The following NKD1 variants were observed in gnomAD, a reference collection of about 807,000 sequenced individuals.
NKD1 encodes the protein protein naked cuticle homolog 1.
NKD1 carries 21 observed loss-of-function variants against 56.0 expected under a neutral mutation model. The observed-to-expected ratio is 0.38, with a 90% CI of 0.27 to 0.54. NKD1 has a LOEUF of 0.54. Ranked by LOEUF, NKD1 falls within the 20% of genes least tolerant of loss-of-function variation. The probability of loss-of-function intolerance (pLI) is 0.82; values close to 1 mark genes in which losing one functional copy is unlikely to be tolerated. For synonymous variants in NKD1, 263 were observed against 265.7 expected (o/e 0.99, Z 0.10); for missense variants, 578 against 642.7 (o/e 0.90, Z 1.09).
At chr16:50,563,626 T>C (rs1410743707) in intron 3 of NKD1, among the ~76,000 whole-genome samples, 1 of 138,714 alleles carries the variant, frequency 7.2e-6, no homozygotes, top group Non-Finnish European at 1.5e-5. Context: ...GAAGACCCTG[T>C]GTGTCAGGCT....
intron 5 of NKD1, 70 bp from the exon 6 acceptor site, chr16:50,625,415 C>T (rs1962186871): frequency 8.9e-7 from 1 of 1,118,526 alleles, no homozygotes; most frequent in Non-Finnish European, 1.4e-6. Context: ...GCCTCTAGGC[C>T]CAGGCTTCCA....
chr16:50,585,817 G>A (rs192549493), intron 3 of NKD1, among the ~76,000 whole-genome samples: 1 of 152,322 alleles, frequency 6.6e-6, no homozygotes, highest in East Asian at 1.9e-4. Flanking sequence ...CATTGAACAA[G>A]TGACCCCTGG....
At chr16:50,573,993 T>C in intron 3 of NKD1, 1 of 962,306 alleles carries the variant, frequency 1.0e-6, no homozygotes, top group Non-Finnish European at 1.2e-6. Flanking sequence ...ATAATGCATG[T>C]GTGTCTATAT....
intron 3 of NKD1, among the ~76,000 whole-genome samples, chr16:50,551,668 T>G (rs963736446): frequency 6.6e-6 from 1 of 151,700 alleles, no homozygotes; most frequent in African/African-American, 2.4e-5. Flanking sequence ...CCAGGCATCC[T>G]CCAGGTGATT....
At chr16:50,595,835 C>T (rs1961460486) in intron 3 of NKD1, among the ~76,000 whole-genome samples, 2 of 152,198 alleles carry the variant, frequency 1.3e-5, no homozygotes, top group Admixed American at 1.3e-4. Context: ...CCTGTGGTGA[C>T]ACGGGCCCCT....
intron 3 of NKD1, among the ~76,000 whole-genome samples, chr16:50,554,681 C>T (rs1596701776): frequency 6.6e-6 from 1 of 152,136 alleles, no homozygotes; most frequent in African/African-American, 2.4e-5. Context: ...GCCACCCAGG[C>T]TGGGGTGCAG....
At chr16:50,593,967 T>C (rs1961422903) in intron 3 of NKD1, among the ~76,000 whole-genome samples, 1 of 152,236 alleles carries the variant, frequency 6.6e-6, no homozygotes, top group Non-Finnish European at 1.5e-5. Context: ...AGATGCCCAC[T>C]GCAGGAGCCA....
intron 7 of NKD1, 108 bp downstream of exon 7, chr16:50,630,441 T>C: frequency 1.6e-6 from 2 of 1,273,958 alleles, no homozygotes; most frequent in Non-Finnish European, 2.2e-6. Context: ...CTGGGGCAGC[T>C]GCTTTGTGGA....
intron 3 of NKD1, among the ~76,000 whole-genome samples, chr16:50,563,552 T>C (rs1201767255): frequency 6.6e-6 from 1 of 150,974 alleles, no homozygotes; most frequent in African/African-American, 2.4e-5. Context: ...CCTGGACCCA[T>C]GGAGAAGACC....
intron 3 of NKD1, among the ~76,000 whole-genome samples, chr16:50,590,660 T>C (rs1961345705): frequency 6.6e-6 from 1 of 152,210 alleles, no homozygotes; most frequent in Non-Finnish European, 1.5e-5. Flanking sequence ...CAAAGAAGTT[T>C]ATTAGTTTGC....
At chr16:50,630,581 CA>C (rs1482187301) in intron 7 of NKD1, among the ~76,000 whole-genome samples, 2 of 151,206 alleles carry the variant, frequency 1.3e-5, no homozygotes, top group African/African-American at 2.4e-5. Context: ...TTACGGGCAG[CA>C]TGGCGTCTGC....
At chr16:50,602,050 GTA>G (rs965260213) in intron 3 of NKD1, among the ~76,000 whole-genome samples, 3 of 152,210 alleles carry the variant, frequency 2.0e-5, no homozygotes, top group African/African-American at 7.2e-5. Flanking sequence ...CCTGCATGTT[GTA>G]TAGTGTTGGG....
intron 3 of NKD1, among the ~76,000 whole-genome samples, chr16:50,562,993 C>A (rs7498482): frequency 1.4e-4 from 18 of 129,506 alleles, no homozygotes; most frequent in East Asian, 6.5e-4. Flanking sequence ...ACCACCCCCC[C>A]CCCCCGCCGT....
At chr16:50,574,570 CTTG>C in intron 3 of NKD1, 1 of 985,396 alleles carries the variant, frequency 1.0e-6, no homozygotes, top group Non-Finnish European at 1.2e-6. Flanking sequence ...TTGGATTGAT[CTTG>C]TTGGAGTTCA....
In NKD1 at chr16:50,647,854, A is replaced by T. The variant is rs534953787; in HGVS notation, c.*14073A>T. On this transcript the variant is annotated 3_prime_UTR_variant, in exon 10 of 10. Coordinates refer to ENST00000268459, the MANE Select transcript of NKD1 (RefSeq NM_033119.5). ...ACCCATCCCAGGTGATCATAGAAGG[A>T]CCTCAAAGGAAAAGGTGAGGGGTTT... 77 of 152,316 alleles carry T rather than the reference A, an allele frequency of 5.1e-4. No homozygotes were observed. Among genetic ancestry groups the T allele is most frequent in the African/African-American group, 1.8e-3 (75 of 41,570 alleles). The allele number at this position is 152,316 out of a possible 1,614,324, so 9.4% of individuals were successfully genotyped here. A position where few individuals can be genotyped will look rare whatever the true frequency, so the allele number is the denominator to read the frequency against.
rs1397548003 is a variant in NKD1 at position 50,639,836 on chromosome 16, T to C, written c.*6055T>C. The C allele has an allele frequency of 1.3e-5, 2 of 152,274 alleles. No homozygotes were observed. The highest frequency in any genetic ancestry group is 2.9e-5 in the Non-Finnish European group (2 of 68,074). The allele number at this position is 152,274 out of a possible 1,614,324, so 9.4% of individuals were successfully genotyped here. On this transcript the variant is annotated 3_prime_UTR_variant, in exon 10 of 10. Coordinates refer to ENST00000268459, the MANE Select transcript of NKD1 (RefSeq NM_033119.5). The stretch of plus-strand genomic sequence containing the variant: ...CACACACTCTCTTCCCTCCTCTGGC[T>C]CAGGACTACGGTCTGAAATTAGGGA...
At chr16:50,622,148 G>T (rs1226278689) in intron 5 of NKD1, among the ~76,000 whole-genome samples, 1 of 152,234 alleles carries the variant, frequency 6.6e-6, no homozygotes, top group East Asian at 1.9e-4. Flanking sequence ...CGCTCTCTGG[G>T]CCTGAGTTTC....
intron 3 of NKD1, among the ~76,000 whole-genome samples, chr16:50,569,263 G>A (rs533567433): frequency 2.6e-5 from 4 of 152,322 alleles, no homozygotes; most frequent in Admixed American, 1.3e-4. Context: ...ATGCTACAGC[G>A]TTTTAGCGCC....
rs144993647 is a variant in NKD1, at chr16:50,619,445, C to G, written c.260-2157C>G. Among the ~76,000 whole-genome samples, 450 of 152,280 alleles carry G rather than the reference C, an allele frequency of 3.0e-3. 1 individual carries two copies. Among genetic ancestry groups the G allele is most frequent in the Middle Eastern group, 0.017 (5 of 294 alleles). On this transcript the variant is annotated intron_variant, in intron 4 of 9. Coordinates refer to ENST00000268459, the MANE Select transcript of NKD1 (RefSeq NM_033119.5). Reference sequence around the variant, plus strand: ...CTGTGAAAGTGAGGCCATCATATTCCCATTTTACAGACAAGGGGACTGAGG... The same window carrying G: ...CTGTGAAAGTGAGGCCATCATATTCGCATTTTACAGACAAGGGGACTGAGG...
Sources: allele counts gnomAD v4.1 joint callset (sites outside exome capture counted in the v4.1 genomes callset), GRCh38; gene constraint gnomAD v4.1.1; transcripts MANE v1.5; gene names NCBI Gene and HGNC (gene_info 2026-07-23, HGNC 2026-07-21).